Variants in ASCC3 observed in about 807,000 individuals in gnomAD.
ASCC3 encodes ASC-1 complex subunit P200.
A neutral mutation model predicts 256.3 loss-of-function variants in ASCC3; 158 were observed. That is an observed-to-expected ratio of 0.62 (90% CI 0.54 to 0.70). The LOEUF is 0.70. Ranked by LOEUF, ASCC3 falls within the 30% of genes least tolerant of loss-of-function variation. The probability of loss-of-function intolerance (pLI) is 0.00; values close to 1 mark genes in which losing one functional copy is unlikely to be tolerated. For synonymous variants in ASCC3, 948 were observed against 883.4 expected (o/e 1.07, Z -1.30); for missense variants, 2,259 against 2,626.0 (o/e 0.86, Z 3.05).
chr6:100,552,851 G>T (rs943050931), intron 36 of ASCC3, among the ~76,000 whole-genome samples: 2 of 151,830 alleles, frequency 1.3e-5, no homozygotes, highest in Non-Finnish European at 2.9e-5. Flanking sequence ...ATATATTTTA[G>T]ATTATTTAGA....
At chr6:100,696,261 TA>T (rs1778077166) in intron 13 of ASCC3, among the ~76,000 whole-genome samples, 2 of 152,102 alleles carry the variant, frequency 1.3e-5, no homozygotes, top group African/African-American at 4.8e-5. Context: ...AAAAAATTGA[TA>T]AAAATGACAG....
Position 100,509,075 on chromosome 6 carries a change from G to A in ASCC3, c.*311C>T, listed in dbSNP as rs567530141. 8.1e-6 allele frequency: 3 copies of A among 369,418 alleles called. No individual in the cohort carries two copies. In the Admixed American group the frequency reaches 1.2e-4, roughly 15 times the overall value. 22.9% of individuals were successfully genotyped at this position (369,418 alleles called of 1,614,324 possible). A position where few individuals can be genotyped will look rare whatever the true frequency, so the allele number is the denominator to read the frequency against. On this transcript the variant is annotated 3_prime_UTR_variant, in exon 42 of 42. Coordinates refer to ENST00000369162, the MANE Select transcript of ASCC3 (RefSeq NM_006828.4). ...CCATGTAAACAGTACATTGTGAGAT[G>A]TAAAATTTGATTGATAGCTCCTAAA...
intron 1 of ASCC3, among the ~76,000 whole-genome samples, chr6:100,877,676 A>G (rs1304647192): frequency 6.6e-6 from 1 of 152,156 alleles, no homozygotes; most frequent in Non-Finnish European, 1.5e-5. Context: ...TCTACCAAAC[A>G]CTGTAGGCCA....
intron 30 of ASCC3, among the ~76,000 whole-genome samples, chr6:100,609,955 T>C (rs1773309578): frequency 6.6e-6 from 1 of 152,110 alleles, no homozygotes; most frequent in Non-Finnish European, 1.5e-5. Flanking sequence ...TTGTTTCAGA[T>C]AGTTCTCTGT....
intron 2 of ASCC3, 36 bp downstream of exon 2, chr6:100,867,869 TATA>T: frequency 1.4e-6 from 2 of 1,478,520 alleles, no homozygotes; most frequent in South Asian, 2.3e-5. Context: ...AGTCTGTGTT[TATA>T]ATAATGTTCA....
chr6:100,707,388 GA>G lies in ASCC3; in HGVS notation c.2151+8073del, dbSNP rs527404839. Among the ~76,000 whole-genome samples the G allele has an allele frequency of 6.6e-3, 995 of 151,452 alleles. 8 individuals carry two copies. The highest frequency in any genetic ancestry group is 0.024 in the Middle Eastern group (7 of 294). The stretch of plus-strand genomic sequence containing the variant: ...GATTAGATAAACTATAGGAATAAAA[GA>G]AAAAAAATTAAGGGAATAAAATGCA... On this transcript the variant is annotated intron_variant, in intron 13 of 41. Transcript: ENST00000369162.
rs1361660274 is a variant in ASCC3, at chr6:100,686,164, T to G, written c.2152-6412A>C. Among the ~76,000 whole-genome samples the G allele has an allele frequency of 3.3e-5, 5 of 152,322 alleles. No homozygotes were observed. The East Asian group carries it at 7.7e-4, about 23-fold the overall frequency. ...TTTATGTATACTAAAAACATGGGGT[T>G]GTTGTGAGAAATGAGACAATATAAA... On this transcript the variant is annotated intron_variant, in intron 13 of 41. Coordinates refer to ENST00000369162, the MANE Select transcript of ASCC3 (RefSeq NM_006828.4).
intron 1 of ASCC3, among the ~76,000 whole-genome samples, chr6:100,871,430 C>T (rs1038004914): frequency 6.6e-6 from 1 of 151,728 alleles, no homozygotes; most frequent in African/African-American, 2.4e-5. Flanking sequence ...TTAATTTTGT[C>T]TCAAGCCAAT....
chr6:100,662,076 T>C (rs1776248113), intron 15 of ASCC3, 46 bp from the exon 16 acceptor site: 7 of 1,541,522 alleles, frequency 4.5e-6, no homozygotes, highest in Non-Finnish European at 6.3e-6. Context: ...CACACACAAA[T>C]ATAATCCTGA....
chr6:100,862,776 T>C (rs1247154187), intron 3 of ASCC3, among the ~76,000 whole-genome samples: 1 of 152,124 alleles, frequency 6.6e-6, no homozygotes, highest in African/African-American at 2.4e-5. Flanking sequence ...ATACATGTTA[T>C]GGAGAAAATG....
intron 5 of ASCC3, among the ~76,000 whole-genome samples, chr6:100,804,347 T>A (rs1371612804): frequency 6.6e-6 from 1 of 152,072 alleles, no homozygotes; most frequent in Non-Finnish European, 1.5e-5. Flanking sequence ...GTTTGAAAGT[T>A]GTCAAAATAA....
intron 33 of ASCC3, among the ~76,000 whole-genome samples, chr6:100,605,281 G>C (rs1282658575): frequency 6.6e-6 from 1 of 152,058 alleles, no homozygotes; most frequent in African/African-American, 2.4e-5. Flanking sequence ...TAAGCAACTT[G>C]CTCAAGATCA....
chr6:100,524,779 C>T (rs1317081037), intron 37 of ASCC3, among the ~76,000 whole-genome samples: 1 of 152,092 alleles, frequency 6.6e-6, no homozygotes, highest in Non-Finnish European at 1.5e-5. Flanking sequence ...CTTATGTTCT[C>T]TCTTCCTCCT....
At chr6:100,660,097 C>A (rs1185031768) in intron 16 of ASCC3, among the ~76,000 whole-genome samples, 2 of 151,382 alleles carry the variant, frequency 1.3e-5, no homozygotes, top group African/African-American at 4.8e-5. Context: ...TTAATAGAGG[C>A]CTGAGAAGAG....
intron 4 of ASCC3, among the ~76,000 whole-genome samples, chr6:100,810,071 G>A (rs898865338): frequency 1.2e-4 from 18 of 151,940 alleles, no homozygotes; most frequent in African/African-American, 4.1e-4. Flanking sequence ...TTCTAAGTAC[G>A]CCCACATGAT....
chr6:100,602,197 T>C (rs191527965), intron 33 of ASCC3, among the ~76,000 whole-genome samples: 1 of 152,170 alleles, frequency 6.6e-6, no homozygotes, highest in Admixed American at 6.6e-5. Context: ...ACCCGTATTA[T>C]TCACCAGTAC....
intron 23 of ASCC3, 95 bp from the exon 24 acceptor site, chr6:100,642,844 A>G: frequency 8.7e-7 from 1 of 1,148,208 alleles, no homozygotes; most frequent in African/African-American, 1.6e-5. Flanking sequence ...TCTACAAGAT[A>G]TACTAAAGAC....
At chr6:100,538,600 T>C (rs537776160) in intron 37 of ASCC3, among the ~76,000 whole-genome samples, 12 of 152,278 alleles carry the variant, frequency 7.9e-5, no homozygotes, top group African/African-American at 2.6e-4. Context: ...CGGCTACTGT[T>C]AATCTTTTGG....
At chr6:100,614,662 G>C (rs1773571553) in intron 30 of ASCC3, among the ~76,000 whole-genome samples, 1 of 152,072 alleles carries the variant, frequency 6.6e-6, no homozygotes, top group African/African-American at 2.4e-5. Context: ...ATCACTACAT[G>C]AATAAGAGGG....
Sources: allele counts gnomAD v4.1 joint callset (sites outside exome capture counted in the v4.1 genomes callset), GRCh38; gene constraint gnomAD v4.1.1; transcripts MANE v1.5; gene names NCBI Gene and HGNC (gene_info 2026-07-23, HGNC 2026-07-21).